The following AIRIM variants were observed in gnomAD, a reference collection of about 807,000 sequenced individuals.
The protein encoded by AIRIM is AFG2 interacting ribosome maturation factor.
the AIRIM span, chr1:37,683,352 T>G: frequency 2.0e-5 from 33 of 1,614,010 alleles, no homozygotes; most frequent in Non-Finnish European, 2.7e-5. Flanking sequence ...TCTTTTGAAA[T>G]TCGGTCCCAG....
the AIRIM span, chr1:37,690,025 T>G: frequency 8.7e-5 from 123 of 1,417,040 alleles, 1 homozygote; most frequent in South Asian, 1.4e-3. Context: ...GTTTTTTTTT[T>G]GTTTTTTTTT....
the AIRIM span, chr1:37,682,757 T>C: frequency 8.0e-4 from 143 of 178,864 alleles, no homozygotes; most frequent in Non-Finnish European, 1.4e-3. Context: ...CTTTGGATGA[T>C]GCCAAGGGCA....
chr1:37,690,090 C>T, the AIRIM span: 1 of 1,359,550 alleles, frequency 7.4e-7, no homozygotes, highest in East Asian at 2.7e-5. Flanking sequence ...TATCTCGGCT[C>T]ACTGCAACCT....
At chr1:37,683,511 C>T in the AIRIM span, 7 of 1,527,278 alleles carry the variant, frequency 4.6e-6, no homozygotes, top group Non-Finnish European at 6.2e-6. Flanking sequence ...TGGTGAGAAC[C>T]AGAGGGAGCC....
At chr1:37,685,406 G>A in the AIRIM span, among the ~76,000 whole-genome samples, 109 of 147,010 alleles carry the variant, frequency 7.4e-4, no homozygotes, top group African/African-American at 2.5e-3. Flanking sequence ...TGGAGACAGA[G>A]TTTCACTTTA....
chr1:37,683,721 A>G, the AIRIM span: 2 of 303,660 alleles, frequency 6.6e-6, no homozygotes, highest in Non-Finnish European at 1.2e-5. Flanking sequence ...AAGGGACATG[A>G]GAGGTAAAGC....
chr1:37,689,767 G>A, the AIRIM span: 4 of 1,613,594 alleles, frequency 2.5e-6, no homozygotes, highest in South Asian at 1.1e-5. Flanking sequence ...GGGAGGACAG[G>A]AGGGGCTGGC....
chr1:37,685,124 T>C, the AIRIM span, among the ~76,000 whole-genome samples: 1 of 149,052 alleles, frequency 6.7e-6, no homozygotes, highest in Non-Finnish European at 1.5e-5. Context: ...GTTAAAAACA[T>C]AGGTCTTATC....
At chr1:37,686,735 G>A in the AIRIM span, among the ~76,000 whole-genome samples, 2 of 152,180 alleles carry the variant, frequency 1.3e-5, no homozygotes, top group Non-Finnish European at 2.9e-5. Flanking sequence ...ACTGGTCTAA[G>A]GAGATTAGTG....
At chr1:37,685,382 CTT>C in the AIRIM span, among the ~76,000 whole-genome samples, 30 of 138,110 alleles carry the variant, frequency 2.2e-4, no homozygotes, top group Non-Finnish European at 1.6e-4. Context: ...GCCCAAAATT[CTT>C]TTTTTTTTTT....
the AIRIM span, among the ~76,000 whole-genome samples, chr1:37,688,919 T>C: frequency 3.3e-5 from 5 of 151,158 alleles, no homozygotes; most frequent in Non-Finnish European, 5.9e-5. Context: ...TGAGCTGTGA[T>C]TGTGCCACTG....
the AIRIM span, chr1:37,682,832 C>A: frequency 2.8e-6 from 1 of 351,992 alleles, no homozygotes; most frequent in Non-Finnish European, 5.2e-6. Context: ...AGGAAAGACA[C>A]TATGTTCTTC....
At chr1:37,689,754 T>C in the AIRIM span, 1 of 1,613,862 alleles carries the variant, frequency 6.2e-7, no homozygotes, top group Non-Finnish European at 8.5e-7. Context: ...GCCAGGTTGC[T>C]GAGGGAGGAC....
chr1:37,690,467 A>G, the AIRIM span: 1 of 1,258,274 alleles, frequency 7.9e-7, no homozygotes, highest in African/African-American at 1.6e-5. Context: ...TTAAAAGTCC[A>G]GACAGCCAAA....
the AIRIM span, chr1:37,683,664 A>ATGGTT: frequency 2.2e-6 from 1 of 461,456 alleles, no homozygotes; most frequent in Non-Finnish European, 3.8e-6. Flanking sequence ...GAAATCTGGG[A>ATGGTT]TCTCAGCATG....
chr1:37,690,591 A>T, the AIRIM span: 1 of 722,322 alleles, frequency 1.4e-6, no homozygotes, highest in South Asian at 2.0e-5. Context: ...GAGTCGCGAA[A>T]ATATATCGTA....
the AIRIM span, among the ~76,000 whole-genome samples, chr1:37,686,791 T>G: frequency 1.3e-5 from 2 of 152,138 alleles, no homozygotes; most frequent in Non-Finnish European, 2.9e-5. Context: ...AGAAAGGGGC[T>G]GGGTGCAGAG....
chr1:37,681,697 A>AT, the AIRIM span: 1 of 152,206 alleles, frequency 6.6e-6, no homozygotes, highest in African/African-American at 2.4e-5. Context: ...TAACATTTTC[A>AT]TTTTTTGTAA....
chr1:37,691,525 C>G, the AIRIM span: 1 of 153,996 alleles, frequency 6.5e-6, no homozygotes, highest in Middle Eastern at 3.1e-3. Flanking sequence ...TGAGCTACAG[C>G]TTCGAAACTA....
Sources: gnomAD v4.1 joint callset for allele counts (sites outside exome capture counted in the v4.1 genomes callset) on GRCh38, gnomAD v4.1.1 for gene constraint, MANE v1.5 for transcripts, NCBI Gene and HGNC (gene_info 2026-07-23, HGNC 2026-07-21) for gene names.